GPC5: variants seen among roughly 807,000 people sequenced by gnomAD.
GPC5 encodes glypican-5.
GPC5 carries 47 observed loss-of-function variants against 53.9 expected under a neutral mutation model. That is an observed-to-expected ratio of 0.87 (90% CI 0.69 to 1.11). The LOEUF is 1.11. Ranked by LOEUF, GPC5 falls within the 50% of genes most tolerant of loss-of-function variation. The pLI, the probability that GPC5 is intolerant of heterozygous loss-of-function variation, is 0.00. For synonymous variants in GPC5, 286 were observed against 263.3 expected (o/e 1.09, Z -0.84); for missense variants, 748 against 713.1 (o/e 1.05, Z -0.56).
chr13:92,057,723 T>C (rs907960441), intron 6 of GPC5, among the ~76,000 whole-genome samples: 7 of 152,172 alleles, frequency 4.6e-5, no homozygotes, highest in African/African-American at 1.7e-4. Flanking sequence ...AGAATGATGG[T>C]ATAATGGTTT....
intron 7 of GPC5, among the ~76,000 whole-genome samples, chr13:92,766,487 T>G (rs985615572): frequency 6.6e-6 from 1 of 152,236 alleles, no homozygotes; most frequent in East Asian, 1.9e-4. Flanking sequence ...TCATGAGTTC[T>G]TTGTTTTCTG....
intron 2 of GPC5, among the ~76,000 whole-genome samples, chr13:91,467,388 G>C (rs1882307225): frequency 6.6e-6 from 1 of 152,140 alleles, no homozygotes; most frequent in East Asian, 1.9e-4. Flanking sequence ...GGATGGTTGG[G>C]AAGTTAGCTT....
At chr13:92,421,156 T>A (rs1383887714) in intron 7 of GPC5, among the ~76,000 whole-genome samples, 1 of 152,226 alleles carries the variant, frequency 6.6e-6, no homozygotes, top group East Asian at 1.9e-4. Flanking sequence ...TTCCATAACT[T>A]GCCTCTTCTA....
chr13:91,687,165 G>A (rs342676), intron 2 of GPC5, among the ~76,000 whole-genome samples: 37,215 of 151,822 alleles, frequency 0.25, 6,533 homozygotes, highest in African/African-American at 0.5. Flanking sequence ...GCTTTTAGAA[G>A]TCAACTTTAT....
intron 1 of GPC5, among the ~76,000 whole-genome samples, chr13:91,400,147 T>A (rs1351113520): frequency 6.6e-6 from 1 of 152,190 alleles, no homozygotes. Flanking sequence ...CCCCTTTAGC[T>A]GTGACTATGA....
intron 7 of GPC5, among the ~76,000 whole-genome samples, chr13:92,315,660 G>A (rs562710304): frequency 2.6e-5 from 4 of 152,302 alleles, no homozygotes; most frequent in African/African-American, 7.2e-5. Context: ...TTATAAAAAT[G>A]TAAACTCAAG....
intron 2 of GPC5, among the ~76,000 whole-genome samples, chr13:91,663,187 G>A (rs981501508): frequency 4.6e-5 from 7 of 152,098 alleles, no homozygotes; most frequent in East Asian, 1.9e-4. Context: ...TTGGATTTGC[G>A]GCCACAGACA....
chr13:92,385,758 T>TATATAC (rs1344582956), intron 7 of GPC5, among the ~76,000 whole-genome samples: 3 of 95,156 alleles, frequency 3.2e-5, no homozygotes, highest in Admixed American at 1.1e-4. Flanking sequence ...TACACGTGTA[T>TATATAC]ATATATACGT....
chr13:91,607,752 A>G (rs961945871), intron 2 of GPC5, among the ~76,000 whole-genome samples: 3 of 152,206 alleles, frequency 2.0e-5, no homozygotes, highest in African/African-American at 2.4e-5. Flanking sequence ...TCCCTGAAAG[A>G]CAATCACATG....
chr13:92,249,746 A>G (rs2042679086), intron 7 of GPC5, among the ~76,000 whole-genome samples: 1 of 151,978 alleles, frequency 6.6e-6, no homozygotes, highest in Non-Finnish European at 1.5e-5. Flanking sequence ...CAATTCAGGA[A>G]TCTATGTTGG....
At chr13:92,822,081 A>G (rs1877692943) in intron 7 of GPC5, among the ~76,000 whole-genome samples, 1 of 152,138 alleles carries the variant, frequency 6.6e-6, no homozygotes, top group African/African-American at 2.4e-5. Context: ...TGGACATATT[A>G]TTTAGCCTCT....
chr13:92,200,623 T>G (rs2139059762), intron 7 of GPC5, among the ~76,000 whole-genome samples: 1 of 152,356 alleles, frequency 6.6e-6, no homozygotes, highest in Admixed American at 6.5e-5. Flanking sequence ...ATTTCAGACA[T>G]TATCAGTGCT....
At chr13:91,422,464 C>T (rs1566380885) in intron 1 of GPC5, among the ~76,000 whole-genome samples, 1 of 151,914 alleles carries the variant, frequency 6.6e-6, no homozygotes, top group Admixed American at 6.6e-5. Context: ...GGTGAAACCT[C>T]GTCTCTACTA....
chr13:92,584,506 G>A (rs1276273585), intron 7 of GPC5, among the ~76,000 whole-genome samples: 2 of 152,144 alleles, frequency 1.3e-5, no homozygotes, highest in Admixed American at 6.5e-5. Flanking sequence ...TGCTGTTAAA[G>A]GCACTCAGTT....
At chr13:91,998,341 G>A (rs935017473) in intron 6 of GPC5, among the ~76,000 whole-genome samples, 1 of 152,082 alleles carries the variant, frequency 6.6e-6, no homozygotes, top group Non-Finnish European at 1.5e-5. Context: ...TGGCCTGATG[G>A]CATTTCTATG....
At chr13:91,498,134 C>G (rs578203122) in intron 2 of GPC5, among the ~76,000 whole-genome samples, 66 of 151,524 alleles carry the variant, frequency 4.4e-4, no homozygotes, top group African/African-American at 1.5e-3. Context: ...CTACCTCTAA[C>G]CCACCCGCCG....
At position 91,483,009 on chromosome 13, in the gene GPC5, C is replaced by T. The variant is rs115927442; in HGVS notation, c.325+34087C>T. ...TAGTAGTAATTTTTATTTAGACTTG[C>T]TAGTATTTTACCTTATCCTTAAATT... On this transcript the variant is annotated intron_variant, in intron 2 of 7. Coordinates refer to ENST00000377067, the MANE Select transcript of GPC5 (RefSeq NM_004466.6). 9.0e-3 allele frequency among the ~76,000 whole-genome samples: 1,362 copies of T among 152,080 alleles called. 22 individuals are homozygous for T. The highest frequency in any genetic ancestry group is 0.031 in the African/African-American group (1,306 of 41,486).
intron 5 of GPC5, among the ~76,000 whole-genome samples, chr13:91,774,083 C>T (rs549853087): frequency 6.6e-6 from 1 of 152,290 alleles, no homozygotes; most frequent in South Asian, 2.1e-4. Context: ...AACTGTTCAG[C>T]TTCCTGAAGA....
At chr13:91,958,862 T>A (rs577566138) in intron 6 of GPC5, among the ~76,000 whole-genome samples, 5 of 151,982 alleles carry the variant, frequency 3.3e-5, no homozygotes, top group Admixed American at 2.0e-4. Context: ...CTCAAATCTA[T>A]GGAATACAGC....
Sources: gnomAD v4.1 joint callset for allele counts (sites outside exome capture counted in the v4.1 genomes callset) on GRCh38, gnomAD v4.1.1 for gene constraint, MANE v1.5 for transcripts, NCBI Gene and HGNC (gene_info 2026-07-23, HGNC 2026-07-21) for gene names.